Variants in RAVER2 observed in about 807,000 individuals in gnomAD.
RAVER2 encodes ribonucleoprotein PTB-binding 2.
In RAVER2, 46 loss-of-function variants were observed where a neutral mutation model predicts 78.1. The ratio of observed to expected loss-of-function variants is 0.59; its 90% CI spans 0.46 to 0.75. The LOEUF (loss-of-function observed/expected upper bound fraction) is 0.75. RAVER2 is among the 30% of genes least tolerant of loss of function. The probability of loss-of-function intolerance (pLI) is 0.00; values close to 1 mark genes in which losing one functional copy is unlikely to be tolerated. For missense variants in RAVER2, 793 were observed against 837.5 expected, an observed-to-expected ratio of 0.95 and a Z score of 0.66; for synonymous variants, 311 against 313.3, an observed-to-expected ratio of 0.99 and a Z score of 0.08.
At chr1:64,814,660 A>C (rs1653710302) in intron 10 of RAVER2, 44 bp from the exon 11 acceptor site, 1 of 1,132,662 alleles carries the variant, frequency 8.8e-7, no homozygotes, top group African/African-American at 1.6e-5. Flanking sequence ...TAAATTTATA[A>C]TAAAATAACC....
intron 9 of RAVER2, among the ~76,000 whole-genome samples, chr1:64,808,668 G>A (rs910858723): frequency 1.3e-4 from 20 of 151,974 alleles, no homozygotes; most frequent in African/African-American, 4.8e-4. Context: ...CACCATGTTG[G>A]CCAGACTGGT....
chr1:64,760,708 C>G (rs1651996178), intron 1 of RAVER2, among the ~76,000 whole-genome samples: 1 of 151,924 alleles, frequency 6.6e-6, no homozygotes, highest in South Asian at 2.1e-4. Flanking sequence ...AGATTTCTAC[C>G]TGTCAGAAAG....
chr1:64,796,668 C>A lies in RAVER2; in HGVS notation c.1106-6308C>A, dbSNP rs1653105609. On this transcript the variant is annotated intron_variant, in intron 5 of 11. Coordinates refer to ENST00000294428, the Ensembl canonical transcript of RAVER2. ...CTCTCTTTTTTCCTGATAAGTCTGGCAAAAGGTTTATCAGTATTATTGATT... is the reference window on the plus strand; with the variant it reads ...CTCTCTTTTTTCCTGATAAGTCTGGAAAAAGGTTTATCAGTATTATTGATT... 2.0e-5 allele frequency among the ~76,000 whole-genome samples: 3 copies of A among 152,122 alleles called. No individual in the cohort carries two copies. In the South Asian group the frequency reaches 6.2e-4, roughly 32 times the overall value.
intron 1 of RAVER2, among the ~76,000 whole-genome samples, chr1:64,762,204 A>C (rs1652041373): frequency 6.6e-6 from 1 of 152,218 alleles, no homozygotes; most frequent in Admixed American, 6.5e-5. Context: ...CAATTTAAAA[A>C]ATCTGATAAA....
chr1:64,783,116 A>C (rs1570551602), intron 4 of RAVER2, among the ~76,000 whole-genome samples: 1 of 152,138 alleles, frequency 6.6e-6, no homozygotes, highest in African/African-American at 2.4e-5. Flanking sequence ...ACATTTTCTT[A>C]ATCCAGTCTA....
intron 2 of RAVER2, 43 bp downstream of exon 2, chr1:64,768,765 C>A (rs374484877): frequency 2.4e-6 from 3 of 1,226,572 alleles, no homozygotes; most frequent in Admixed American, 2.0e-5. Context: ...TTTGATTCTC[C>A]CTGTACTCGT....
chr1:64,798,465 T>C (rs370210407), intron 5 of RAVER2, among the ~76,000 whole-genome samples: 7,489 of 150,898 alleles, frequency 0.05, 290 homozygotes, highest in Admixed American at 0.14. Context: ...GGTCAAATGG[T>C]ATTTCTAGTT....
At chr1:64,782,204 G>A (rs370662382) in intron 4 of RAVER2, among the ~76,000 whole-genome samples, 2 of 152,060 alleles carry the variant, frequency 1.3e-5, no homozygotes, top group South Asian at 2.1e-4. Flanking sequence ...GCACCCAGCC[G>A]CCTCTTTATT....
chr1:64,832,711 A>AAAG (rs1482646391), exon 12 of RAVER2: 1 of 152,206 alleles, frequency 6.6e-6, no homozygotes, highest in Non-Finnish European at 1.5e-5. Flanking sequence ...TGACAGCTAG[A>AAAG]AAGTTTAAGG....
At chr1:64,818,581 A>G (rs1173457394) in intron 11 of RAVER2, among the ~76,000 whole-genome samples, 1 of 152,166 alleles carries the variant, frequency 6.6e-6, no homozygotes, top group East Asian at 1.9e-4. Context: ...ATGAAAACCA[A>G]CTACTTGAAA....
At chr1:64,832,362 A>T (rs1275284062) in exon 12 of RAVER2, 2 of 146,608 alleles carry the variant, frequency 1.4e-5, no homozygotes, top group East Asian at 3.8e-4. Flanking sequence ...CTTGTGAAAG[A>T]AGTTTTATCT....
At chr1:64,755,892 G>T (rs1393181214) in intron 1 of RAVER2, among the ~76,000 whole-genome samples, 1 of 151,906 alleles carries the variant, frequency 6.6e-6, no homozygotes, top group Non-Finnish European at 1.5e-5. Context: ...TGAACTGTTG[G>T]AGAGTGCTGA....
chr1:64,821,025 A>C (rs984737728), intron 11 of RAVER2, among the ~76,000 whole-genome samples: 46 of 152,286 alleles, frequency 3.0e-4, no homozygotes, highest in African/African-American at 1.1e-3. Flanking sequence ...TCCCACCAAC[A>C]ATGTATTAGT....
chr1:64,769,520 A>G (rs1652260111), intron 2 of RAVER2, among the ~76,000 whole-genome samples: 1 of 152,046 alleles, frequency 6.6e-6, no homozygotes, highest in African/African-American at 2.4e-5. Context: ...AAGGTAAGAT[A>G]GTACTTACCT....
chr1:64,802,453 T>C (rs1653294149), intron 5 of RAVER2, among the ~76,000 whole-genome samples: 1 of 152,256 alleles, frequency 6.6e-6, no homozygotes, highest in Non-Finnish European at 1.5e-5. Flanking sequence ...TAGACGCGAT[T>C]ATGAGTATTG....
chr1:64,764,858 C>G (rs1388107677), intron 1 of RAVER2, among the ~76,000 whole-genome samples: 1 of 152,142 alleles, frequency 6.6e-6, no homozygotes, highest in Non-Finnish European at 1.5e-5. Context: ...TCCTCCTCTC[C>G]CCAACATTAT....
chr1:64,816,933 A>G (rs1653769656), intron 11 of RAVER2, among the ~76,000 whole-genome samples: 1 of 152,246 alleles, frequency 6.6e-6, no homozygotes. Flanking sequence ...GAGCTTCTGC[A>G]CAGCAAAAGA....
intron 2 of RAVER2, among the ~76,000 whole-genome samples, chr1:64,772,679 G>A (rs1449803870): frequency 2.0e-5 from 3 of 152,174 alleles, no homozygotes; most frequent in Non-Finnish European, 4.4e-5. Context: ...AAGGTTCTAG[G>A]TATCCTAAGG....
chr1:64,789,408 C>CT lies in RAVER2; in HGVS notation c.1001dup (p.Leu334PhefsTer34), dbSNP rs1451069942. 1.9e-6 allele frequency: 3 copies of CT among 1,608,450 alleles called. No homozygotes were observed. In the African/African-American group the frequency reaches 4.0e-5, roughly 22 times the overall value. ...TGCAGATGCACAGTAATCAAAAGGG[C>CT]TTACTTCCAGAGCCAAATCCAGTAC... On this transcript the variant is annotated frameshift_variant, in exon 5 of 12. Transcript: ENST00000294428. LOFTEE classifies it high-confidence loss of function.
Sources: gnomAD v4.1 joint callset for allele counts (sites outside exome capture counted in the v4.1 genomes callset) on GRCh38, gnomAD v4.1.1 for gene constraint, MANE v1.5 for transcripts, NCBI Gene and HGNC (gene_info 2026-07-23, HGNC 2026-07-21) for gene names.